Variants in ADARB2 observed in about 807,000 individuals in gnomAD.
ADARB2 encodes the protein inactive double-stranded RNA-specific editase B2.
ADARB2 carries 25 observed loss-of-function variants against 62.2 expected under a neutral mutation model. The observed-to-expected ratio is 0.40, with a 90% confidence interval of 0.29 to 0.56. ADARB2 has a LOEUF of 0.56. Ranked by LOEUF, ADARB2 falls within the 20% of genes least tolerant of loss-of-function variation. ADARB2 has a pLI of 0.43. For missense variants in ADARB2, 1,071 were observed against 1,077.4 expected, an observed-to-expected ratio of 0.99 and a Z score of 0.08; for synonymous variants, 572 against 500.8, an observed-to-expected ratio of 1.14 and a Z score of -1.90.
chr10:1,563,392 G>C (rs11250625), intron 1 of ADARB2, among the ~76,000 whole-genome samples: 1 of 151,908 alleles, frequency 6.6e-6, no homozygotes, highest in Non-Finnish European at 1.5e-5. Context: ...GTGTCCCTGC[G>C]TCCCCCTCAT....
chr10:1,569,391 A>G (rs745654813), intron 1 of ADARB2, among the ~76,000 whole-genome samples: 10 of 152,196 alleles, frequency 6.6e-5, no homozygotes, highest in Non-Finnish European at 1.3e-4. Context: ...ATGAACCCCC[A>G]GCCTGCAGAA....
At chr10:1,326,775 C>A (rs983139296) in intron 3 of ADARB2, among the ~76,000 whole-genome samples, 1 of 111,356 alleles carries the variant, frequency 9.0e-6, no homozygotes, top group Non-Finnish European at 2.0e-5. Context: ...GGTAGCACAG[C>A]CCCTCCTCAC....
At chr10:1,689,295 G>T (rs1456491826) in intron 1 of ADARB2, among the ~76,000 whole-genome samples, 1 of 152,202 alleles carries the variant, frequency 6.6e-6, no homozygotes, top group South Asian at 2.1e-4. Context: ...TTAGGCACAG[G>T]AAGATTGTAG....
At chr10:1,229,250 C>A (rs1201712460) in intron 6 of ADARB2, among the ~76,000 whole-genome samples, 2 of 152,176 alleles carry the variant, frequency 1.3e-5, no homozygotes, top group Non-Finnish European at 2.9e-5. Flanking sequence ...CCACATGCAT[C>A]CCAGGAAAGT....
At chr10:1,672,172 A>T (rs955850324) in intron 1 of ADARB2, among the ~76,000 whole-genome samples, 1 of 151,762 alleles carries the variant, frequency 6.6e-6, no homozygotes, top group African/African-American at 2.4e-5. Flanking sequence ...ACAGCCTGCC[A>T]TCGTTTTCCT....
Position 1,665,233 on chromosome 10 carries a change from A to G in ADARB2, c.100+71818T>C, listed in dbSNP as rs150153075. 1.4e-3 allele frequency among the ~76,000 whole-genome samples: 219 copies of G among 152,340 alleles called. 3 individuals are homozygous for G. Among genetic ancestry groups the G allele is most frequent in the East Asian group, 6.0e-3 (31 of 5,188 alleles). On this transcript the variant is annotated intron_variant, in intron 1 of 9. Transcript: ENST00000381312. The stretch of plus-strand genomic sequence containing the variant: ...CTGGCTCCCTGGCTTATTGCCCTAG[A>G]TCTTTCCTTAATATTTAAGACTTCA...
chr10:1,524,618 G>T (rs1173603148), intron 1 of ADARB2, among the ~76,000 whole-genome samples: 1 of 152,152 alleles, frequency 6.6e-6, no homozygotes, highest in Non-Finnish European at 1.5e-5. Flanking sequence ...GTTTTCACAG[G>T]AATCTATTTC....
At chr10:1,401,906 T>C (rs146370168) in intron 1 of ADARB2, among the ~76,000 whole-genome samples, 195 of 152,298 alleles carry the variant, frequency 1.3e-3, no homozygotes, top group African/African-American at 4.5e-3. Flanking sequence ...AGGGCTGAGT[T>C]CTACAGAATT....
At chr10:1,665,754 G>C (rs1331374178) in intron 1 of ADARB2, among the ~76,000 whole-genome samples, 2 of 152,232 alleles carry the variant, frequency 1.3e-5, no homozygotes, top group African/African-American at 4.8e-5. Context: ...ATTTCTCTGG[G>C]AAGCCCCTGG....
intron 6 of ADARB2, 148 bp downstream of exon 6, chr10:1,233,546 C>G: frequency 2.4e-6 from 2 of 825,720 alleles, no homozygotes; most frequent in Non-Finnish European, 3.5e-6. Context: ...CATGGTTATC[C>G]CACTAATTGT....
At chr10:1,497,321 A>G (rs1831706051) in intron 1 of ADARB2, among the ~76,000 whole-genome samples, 1 of 152,168 alleles carries the variant, frequency 6.6e-6, no homozygotes, top group South Asian at 2.1e-4. Context: ...TCGTGCCCCA[A>G]ACCACTTGTA....
intron 1 of ADARB2, among the ~76,000 whole-genome samples, chr10:1,673,314 A>ATGTG (rs66687699): frequency 0.18 from 27,287 of 149,550 alleles, 2,505 homozygotes; most frequent in South Asian, 0.28. Flanking sequence ...ATTTCATTTT[A>ATGTG]TGTGTGTGTG....
intron 1 of ADARB2, among the ~76,000 whole-genome samples, chr10:1,710,738 C>T (rs1834940553): frequency 6.6e-6 from 1 of 152,226 alleles, no homozygotes; most frequent in Non-Finnish European, 1.5e-5. Flanking sequence ...CTCTCAGGCT[C>T]TTGCAGCCTC....
intron 3 of ADARB2, among the ~76,000 whole-genome samples, chr10:1,306,063 A>G (rs1053459452): frequency 1.3e-5 from 2 of 152,156 alleles, no homozygotes; most frequent in Non-Finnish European, 2.9e-5. Context: ...GGCCAGTGCA[A>G]TTAGGCAGGA....
At chr10:1,332,963 T>C (rs534936284) in intron 3 of ADARB2, among the ~76,000 whole-genome samples, 25 of 152,334 alleles carry the variant, frequency 1.6e-4, no homozygotes, top group Non-Finnish European at 2.6e-4. Context: ...CTTGTGTTGA[T>C]GGTGGCAGAG....
At chr10:1,593,452 G>A (rs1465456709) in intron 1 of ADARB2, among the ~76,000 whole-genome samples, 3 of 152,220 alleles carry the variant, frequency 2.0e-5, no homozygotes, top group Non-Finnish European at 2.9e-5. Context: ...GTGACCATGA[G>A]TGCCCAATAC....
intron 7 of ADARB2, 57 bp downstream of exon 7, chr10:1,216,894 C>A: frequency 6.3e-7 from 1 of 1,577,208 alleles, no homozygotes; most frequent in South Asian, 1.1e-5. Context: ...GAGCCTGGGG[C>A]TTGGCACTCC....
chr10:1,242,320 AG>A, intron 4 of ADARB2, 21 bp from the exon 5 acceptor site: 1 of 1,526,600 alleles, frequency 6.6e-7, no homozygotes, highest in Non-Finnish European at 8.8e-7. Context: ...AGATAGCATC[AG>A]AGCAGCGTGG....
intron 3 of ADARB2, among the ~76,000 whole-genome samples, chr10:1,307,201 T>A (rs1564252867): frequency 1.1e-5 from 1 of 93,982 alleles, no homozygotes; most frequent in Non-Finnish European, 2.5e-5. Flanking sequence ...AGGGCTAATA[T>A]CCAGAATCTA....
Sources: allele counts gnomAD v4.1 joint callset (sites outside exome capture counted in the v4.1 genomes callset), GRCh38; gene constraint gnomAD v4.1.1; transcripts MANE v1.5; gene names NCBI Gene and HGNC (gene_info 2026-07-23, HGNC 2026-07-21).